Variants in MGAT4D observed in about 807,000 individuals in gnomAD.
MGAT4D encodes MGAT4 family member D, also known as alpha-1,3-mannosyl-glycoprotein 4-beta-N-acetylglucosaminyltransferase-like protein MGAT4D.
MGAT4D carries 34 observed loss-of-function variants against 15.9 expected under a neutral mutation model. The ratio of observed to expected loss-of-function variants is 2.14; its 90% CI spans 1.62 to 2.84. The LOEUF (loss-of-function observed/expected upper bound fraction) is 2.84, where lower values mean the gene tolerates loss of function less well. MGAT4D is among the 30% of genes most tolerant of loss of function. The pLI is 0.00. For missense variants in MGAT4D, 327 were observed against 140.2 expected, an observed-to-expected ratio of 2.33 and a Z score of -6.73; for synonymous variants, 112 against 48.2, an observed-to-expected ratio of 2.33 and a Z score of -5.49.
chr4:140,460,898 C>T (rs1456582652), intron 7 of MGAT4D, among the ~76,000 whole-genome samples: 1 of 152,142 alleles, frequency 6.6e-6, no homozygotes, highest in African/African-American at 2.4e-5. Context: ...TAGCTTTATG[C>T]TTGTGATGAA....
intron 1 of MGAT4D, among the ~76,000 whole-genome samples, chr4:140,491,292 T>TC (rs34572525): frequency 2.6e-5 from 4 of 152,028 alleles, no homozygotes; most frequent in Non-Finnish European, 5.9e-5. Context: ...GGTGAAACAC[T>TC]CCCCCAACTG....
rs1158664991 is a variant in MGAT4D, at chr4:140,481,086, T to C, written c.253+1241A>G. Among the ~76,000 whole-genome samples, 3 of 151,278 alleles carry C rather than the reference T, an allele frequency of 2.0e-5. No homozygotes were observed. The Admixed American group carries it at 2.0e-4, about 10-fold the overall frequency. On this transcript the variant is annotated intron_variant, in intron 2 of 10. Transcript: ENST00000511113. ...ACTTTGGAAGGCTGAGGTGGGAGGC[T>C]TGCTTGAGGCCAGGAGTCCAAGATC...
At chr4:140,465,974 C>A (rs923600934) in intron 5 of MGAT4D, among the ~76,000 whole-genome samples, 4 of 152,188 alleles carry the variant, frequency 2.6e-5, no homozygotes, top group Non-Finnish European at 5.9e-5. Context: ...TGCACATCAT[C>A]ATTAGTGACT....
chr4:140,457,919 T>C (rs898816229), intron 8 of MGAT4D: 4 of 152,062 alleles, frequency 2.6e-5, no homozygotes, highest in Non-Finnish European at 5.9e-5. Context: ...ACAGAAAACA[T>C]GAAAAACAAA....
intron 5 of MGAT4D, among the ~76,000 whole-genome samples, chr4:140,468,580 C>T (rs962572383): frequency 6.6e-6 from 1 of 152,128 alleles, no homozygotes; most frequent in African/African-American, 2.4e-5. Context: ...CTTCTCTTCT[C>T]TAAATAGTAG....
At chr4:140,495,120 A>G (rs1733754470) in intron 1 of MGAT4D, among the ~76,000 whole-genome samples, 2 of 152,208 alleles carry the variant, frequency 1.3e-5, no homozygotes, top group Non-Finnish European at 2.9e-5. Flanking sequence ...CCCTGTTCAC[A>G]TTGGCCTCCT....
intron 7 of MGAT4D, among the ~76,000 whole-genome samples, chr4:140,460,106 G>A (rs1731075828): frequency 6.6e-6 from 1 of 152,104 alleles, no homozygotes; most frequent in Non-Finnish European, 1.5e-5. Flanking sequence ...AGACAAGAGA[G>A]TATCTGTTTC....
intron 10 of MGAT4D, among the ~76,000 whole-genome samples, chr4:140,444,727 C>T (rs1729975334): frequency 6.6e-6 from 1 of 152,124 alleles, no homozygotes; most frequent in Non-Finnish European, 1.5e-5. Flanking sequence ...TGGGTATATA[C>T]CCAGTAATGG....
rs115214888 is a variant in MGAT4D, at chr4:140,443,355, T to C, written c.*81A>G. ...CTGCTAGATAATTATGTATTTTCAT[T>C]ACTACAATTTCTGAAACATGCCATT... On this transcript the variant is annotated 3_prime_UTR_variant, in exon 11 of 11. Transcript: ENST00000511113. 9.7e-3 allele frequency: 4,413 copies of C among 453,380 alleles called. 79 individuals carry two copies. Among genetic ancestry groups the C allele is most frequent in the Admixed American group, 0.013 (304 of 24,308 alleles). 28.1% of individuals were successfully genotyped at this position (453,380 alleles called of 1,614,324 possible).
chr4:140,448,886 C>T (rs920399596), intron 10 of MGAT4D, among the ~76,000 whole-genome samples: 12 of 152,216 alleles, frequency 7.9e-5, no homozygotes, highest in African/African-American at 2.9e-4. Flanking sequence ...CCTGCCCCTT[C>T]ATCACCTCCA....
At chr4:140,446,758 T>A (rs1730158795) in intron 10 of MGAT4D, among the ~76,000 whole-genome samples, 1 of 125,362 alleles carries the variant, frequency 8.0e-6, no homozygotes, top group African/African-American at 3.0e-5. Flanking sequence ...TTTTTTTTTT[T>A]TTTTTTTTTT....
At chr4:140,446,396 A>C (rs1490109794) in intron 10 of MGAT4D, among the ~76,000 whole-genome samples, 1 of 152,100 alleles carries the variant, frequency 6.6e-6, no homozygotes, top group African/African-American at 2.4e-5. Context: ...TTAAGTCTTC[A>C]GAGAGTGTAT....
chr4:140,479,013 T>C (rs1354644736), intron 3 of MGAT4D, among the ~76,000 whole-genome samples: 1 of 152,178 alleles, frequency 6.6e-6, no homozygotes, highest in Non-Finnish European at 1.5e-5. Context: ...TCCTGAGACT[T>C]AGCTTAATAT....
intron 1 of MGAT4D, among the ~76,000 whole-genome samples, chr4:140,491,221 G>A (rs1045278964): frequency 6.6e-5 from 10 of 152,120 alleles, no homozygotes; most frequent in African/African-American, 2.4e-4. Context: ...CTCCTCTTCT[G>A]CCCCATGGAC....
chr4:140,445,303 T>C (rs1051735106), intron 10 of MGAT4D, among the ~76,000 whole-genome samples: 2 of 152,344 alleles, frequency 1.3e-5, no homozygotes, highest in Non-Finnish European at 2.9e-5. Context: ...TTTTTTCATA[T>C]GCTTCTTGGC....
chr4:140,469,961 T>A (rs1731808764), intron 5 of MGAT4D, among the ~76,000 whole-genome samples: 1 of 152,240 alleles, frequency 6.6e-6, no homozygotes, highest in African/African-American at 2.4e-5. Context: ...GGGGTACCGG[T>A]TGGCCTCTGC....
At chr4:140,487,187 A>G (rs899072922) in intron 1 of MGAT4D, among the ~76,000 whole-genome samples, 4 of 152,352 alleles carry the variant, frequency 2.6e-5, no homozygotes, top group Non-Finnish European at 4.4e-5. Flanking sequence ...AATTACTTGC[A>G]TATTTACCCA....
chr4:140,487,934 T>C (rs888469449), intron 1 of MGAT4D, among the ~76,000 whole-genome samples: 8 of 152,144 alleles, frequency 5.3e-5, no homozygotes, highest in Non-Finnish European at 1.2e-4. Context: ...ACCCCAGACT[T>C]CAGATGCAGA....
At chr4:140,467,927 A>C (rs1031343030) in intron 5 of MGAT4D, among the ~76,000 whole-genome samples, 2 of 152,076 alleles carry the variant, frequency 1.3e-5, no homozygotes, top group Admixed American at 1.3e-4. Flanking sequence ...ACAATCTCTC[A>C]TTACCCTAAT....
Sources: allele counts gnomAD v4.1 joint callset (sites outside exome capture counted in the v4.1 genomes callset), GRCh38; gene constraint gnomAD v4.1.1; transcripts MANE v1.5; gene names NCBI Gene and HGNC (gene_info 2026-07-23, HGNC 2026-07-21).